The following SLC6A19 variants were observed in gnomAD, a reference collection of about 807,000 sequenced individuals.
SLC6A19 encodes solute carrier family 6 member 19.
SLC6A19 carries 67 observed loss-of-function variants against 68.3 expected under a neutral mutation model. The ratio of observed to expected loss-of-function variants is 0.98; its 90% confidence interval spans 0.81 to 1.20. SLC6A19 has a LOEUF of 1.20. Among genes scored for constraint, SLC6A19 ranks in the 50% most tolerant of loss-of-function variants. The pLI is 0.00. For synonymous variants in SLC6A19, 392 were observed against 374.9 expected (o/e 1.05, Z -0.53); for missense variants, 813 against 851.6 (o/e 0.95, Z 0.56).
chr5:1,205,842 A>G (rs1050607204), intron 1 of SLC6A19, among the ~76,000 whole-genome samples: 3 of 151,866 alleles, frequency 2.0e-5, no homozygotes, highest in Admixed American at 6.5e-5. Flanking sequence ...GTGTCCCTGC[A>G]GGTGAGCCTG....
intron 1 of SLC6A19, among the ~76,000 whole-genome samples, chr5:1,205,759 T>G (rs915965407): frequency 2.0e-5 from 3 of 151,244 alleles, no homozygotes; most frequent in African/African-American, 7.2e-5. Context: ...AATCAAGCTC[T>G]TGGGAAAAAA....
At chr5:1,205,607 TAGG>T (rs1745831620) in intron 1 of SLC6A19, among the ~76,000 whole-genome samples, 1 of 152,060 alleles carries the variant, frequency 6.6e-6, no homozygotes, top group Non-Finnish European at 1.5e-5. Context: ...CAAGGATGAG[TAGG>T]AGTTTTCTCA....
intron 1 of SLC6A19, among the ~76,000 whole-genome samples, chr5:1,207,606 G>A (rs553495093): frequency 8.4e-4 from 128 of 152,306 alleles, no homozygotes; most frequent in African/African-American, 2.8e-3. Flanking sequence ...GAGCCTCTGC[G>A]CCTGATGATG....
At position 1,210,548 on chromosome 5, in the gene SLC6A19, T is replaced by A. The variant is rs1176925363; in HGVS notation, c.448T>A (p.Trp150Arg). The change falls in exon 3 of 12, where the codon TGG (tryptophan) becomes AGG (arginine). Residue 150 changes from tryptophan (W) to arginine (R), a missense_variant. Coordinates refer to ENST00000304460, the MANE Select transcript of SLC6A19 (RefSeq NM_001003841.3). ...LFNSFQEPLP[W>R]SDCPLNENQT... Reference sequence around the variant, plus strand: ...CAACTCCTTCCAGGAGCCTCTGCCCTGGAGCGACTGCCCGCTCAACGAGAA... The same window carrying A: ...CAACTCCTTCCAGGAGCCTCTGCCCAGGAGCGACTGCCCGCTCAACGAGAA... 1 of 1,613,152 alleles carries A rather than the reference T, an allele frequency of 6.2e-7. No homozygotes were observed. Among genetic ancestry groups the A allele is most frequent in the Non-Finnish European group, 8.5e-7 (1 of 1,180,022 alleles).
intron 2 of SLC6A19, 90 bp downstream of exon 2, chr5:1,208,976 C>G (rs1745938920): frequency 4.1e-6 from 6 of 1,472,648 alleles, no homozygotes; most frequent in African/African-American, 1.4e-5. Flanking sequence ...CCTTGCCGGC[C>G]TCGGTGCCCC....
At chr5:1,210,940 G>A (rs1183383673) in intron 3 of SLC6A19, among the ~76,000 whole-genome samples, 3 of 152,194 alleles carry the variant, frequency 2.0e-5, no homozygotes, top group South Asian at 2.1e-4. Flanking sequence ...GCATCCCTGC[G>A]TTGCTCCGCA....
Position 1,222,976 on chromosome 5 carries a change from T to G in SLC6A19, c.*1072T>G, listed in dbSNP as rs1579520231. ...TATCTTGGCTCCTGGGAGCGACTCT[T>G]GCTACCCACCCCCACCCATCCCCTT... On this transcript the variant is annotated 3_prime_UTR_variant, in exon 12 of 12. Coordinates refer to ENST00000304460, the MANE Select transcript of SLC6A19 (RefSeq NM_001003841.3). 6.6e-6 allele frequency: 1 copy of G among 152,354 alleles called. No homozygotes were observed. The highest frequency in any genetic ancestry group is 1.9e-4 in the East Asian group (1 of 5,192). The allele number at this position is 152,354 out of a possible 1,614,324, so 9.4% of individuals were successfully genotyped here.
rs530637394 is a variant in SLC6A19, at chr5:1,213,573, C to T, written c.774C>T (p.Asn258=). The change falls in exon 5 of 12, where the codon AAC becomes AAT. Residue 258 remains asparagine, a splice_region_variant and synonymous_variant. Transcript: ENST00000304460. ...TNGIVFLFTP[N]VTELAQPDTW... is the part of the protein sequence containing the mutation. ...GCATCGTCTTCCTCTTCACGCCCAA[C>T]GTAAGTCCCCGAGGCTGCCCTGGGC... 147 of 1,611,532 alleles carry T rather than the reference C, an allele frequency of 9.1e-5. No individual in the cohort carries two copies. The East Asian group carries it at 2.7e-3, about 29-fold the overall frequency.
Position 1,219,812 on chromosome 5 carries a change from C to A in SLC6A19, c.1538+148C>A. 1.9e-6 allele frequency: 2 copies of A among 1,063,154 alleles called. 1 individual carries two copies. The highest frequency in any genetic ancestry group is 5.3e-4 in the Middle Eastern group (2 of 3,798). The allele number at this position is 1,063,154 out of a possible 1,614,324, so 65.9% of individuals were successfully genotyped here. Reference sequence around the variant, plus strand: ...GGCCGGCCACAGAGGCTGGTGTAGACCTGTCCTGGCGGGAGCAGAGGGCAT... The same window carrying A: ...GGCCGGCCACAGAGGCTGGTGTAGAACTGTCCTGGCGGGAGCAGAGGGCAT... On this transcript the variant is annotated intron_variant, in intron 10 of 11. Transcript: ENST00000304460.
In SLC6A19 at chr5:1,212,780, T is replaced by C. The variant is rs1028617519; in HGVS notation, c.663+296T>C. On this transcript the variant is annotated intron_variant, in intron 4 of 11. Transcript: ENST00000304460. This position sits in a 1 kb window ranked among gnomAD's most constrained non-coding sequence, Gnocchi z 5.1. ...CAAACTACCAGAAAGAGATAGACGA[T>C]GATGATGATGATGGTGATGATGGTG... is the stretch of plus-strand genomic sequence containing the variant. 2.6e-5 allele frequency among the ~76,000 whole-genome samples: 4 copies of C among 152,052 alleles called. No individual in the cohort carries two copies. Among genetic ancestry groups the C allele is most frequent in the Non-Finnish European group, 5.9e-5 (4 of 67,990 alleles).
Position 1,221,764 on chromosome 5 carries a change from G to A in SLC6A19, c.1765G>A (p.Val589Met). Residue 589 changes from valine (V) to methionine (M), a missense_variant, in exon 12 of 12, where the codon GTG (valine) becomes ATG (methionine). By Grantham distance (21) the Val-to-Met change is conservative. Transcript: ENST00000304460. Reference sequence around the variant, plus strand: ...CTGGGTGTATGTGGTGGTGGTGATTGTGGCTGGAGTGCCCTCCCTCACCAT... The same window carrying A: ...CTGGGTGTATGTGGTGGTGGTGATTATGGCTGGAGTGCCCTCCCTCACCAT... ...PNWVYVVVVI[V>M]AGVPSLTIPG... 1.2e-6 allele frequency: 2 copies of A among 1,614,154 alleles called. No individual in the cohort carries two copies.
At chr5:1,204,941 G>A (rs780541885) in intron 1 of SLC6A19, among the ~76,000 whole-genome samples, 5 of 152,230 alleles carry the variant, frequency 3.3e-5, no homozygotes, top group African/African-American at 1.2e-4. Flanking sequence ...TAGTCCCTGC[G>A]TGAGAACTGC....
At chr5:1,221,057 C>A in intron 10 of SLC6A19, 94 bp from the exon 11 acceptor site, 1 of 1,510,100 alleles carries the variant, frequency 6.6e-7, no homozygotes, top group Non-Finnish European at 9.0e-7. Flanking sequence ...CACCTCGCAG[C>A]ACACCATCTG....
intron 6 of SLC6A19, 79 bp from the exon 7 acceptor site, chr5:1,216,479 G>C: frequency 6.2e-7 from 1 of 1,604,086 alleles, no homozygotes. Context: ...CGCTCTGGGC[G>C]GGATGCGGAT....
At chr5:1,211,505 G>A (rs1322109207) in intron 3 of SLC6A19, among the ~76,000 whole-genome samples, 1 of 152,216 alleles carries the variant, frequency 6.6e-6, no homozygotes, top group African/African-American at 2.4e-5. Flanking sequence ...TGTTGGGGCT[G>A]GAGCCTTCTA....
Position 1,210,526 on chromosome 5 carries a change from C to G in SLC6A19, c.426C>G (p.Asn142Lys). 1 of 1,613,478 alleles carries G rather than the reference C, an allele frequency of 6.2e-7. No homozygotes were observed. The highest frequency in any genetic ancestry group is 1.1e-5 in the South Asian group (1 of 91,088). The change falls in exon 3 of 12, where the codon AAC becomes AAG. Residue 142 changes from asparagine to lysine, a missense_variant. Physicochemically the swap from Asn to Lys is moderately conservative, Grantham distance 94 (BLOSUM62 0). Coordinates refer to ENST00000304460, the MANE Select transcript of SLC6A19 (RefSeq NM_001003841.3). ...IISWIMWYLFNSFQEPLPWSD... is the reference protein window; with the variant it reads ...IISWIMWYLFKSFQEPLPWSD... ...CCTGGATCATGTGGTACTTATTCAA[C>G]TCCTTCCAGGAGCCTCTGCCCTGGA...
At chr5:1,217,080 C>T in intron 8 of SLC6A19, 135 bp downstream of exon 8, 1 of 1,394,132 alleles carries the variant, frequency 7.2e-7, no homozygotes, top group Non-Finnish European at 9.9e-7. Context: ...CTCCCACTGT[C>T]TGCTCTGCCT....
chr5:1,218,799 C>A, intron 8 of SLC6A19, 104 bp from the exon 9 acceptor site: 1 of 1,204,008 alleles, frequency 8.3e-7, no homozygotes, highest in Non-Finnish European at 1.2e-6. Context: ...CTCAGACCTG[C>A]CCGCCCCATG....
chr5:1,211,624 A>G (rs76067074), intron 3 of SLC6A19, among the ~76,000 whole-genome samples: 7,582 of 152,208 alleles, frequency 0.05, 268 homozygotes, highest in Non-Finnish European at 0.077. Flanking sequence ...ACAGCTGTGC[A>G]TGTGTGCTAT....
Sources: allele counts gnomAD v4.1 joint callset (sites outside exome capture counted in the v4.1 genomes callset), GRCh38; gene constraint gnomAD v4.1.1; non-coding constraint Gnocchi (gnomAD v3.1); transcripts MANE v1.5; gene names NCBI Gene and HGNC (gene_info 2026-07-23, HGNC 2026-07-21).